The following FXR2 variants were observed in gnomAD, a reference collection of about 807,000 sequenced individuals.
The protein encoded by FXR2 is FMR1 autosomal homolog 2.
FXR2 carries 9 observed loss-of-function variants against 87.3 expected under a neutral mutation model. The observed-to-expected ratio is 0.10, with a 90% CI of 0.06 to 0.18. The LOEUF (loss-of-function observed/expected upper bound fraction) is 0.18, where lower values mean the gene tolerates loss of function less well. Among genes scored for constraint, FXR2 ranks in the 10% least tolerant of loss-of-function variants. FXR2 has a pLI of 1.00. For missense variants in FXR2, 661 were observed against 893.6 expected (o/e 0.74, Z 3.32); for synonymous variants, 331 against 328.3 (o/e 1.01, Z -0.09).
intron 3 of FXR2, among the ~76,000 whole-genome samples, chr17:7,604,799 G>C (rs2071789838): frequency 1.4e-5 from 2 of 140,090 alleles, no homozygotes; most frequent in Admixed American, 7.1e-5. Flanking sequence ...TCAGCTCACT[G>C]CAACCTCCAC....
rs770426807 is a variant in FXR2 at position 7,592,560 on chromosome 17, C to T, written c.1769G>A (p.Arg590His). The change falls in exon 15 of 17, where the codon CGC becomes CAC. Residue 590 changes from arginine to histidine, a missense_variant. Physicochemically the swap from Arg to His is conservative, Grantham distance 29 (BLOSUM62 0). Coordinates refer to ENST00000250113, the MANE Select transcript of FXR2 (RefSeq NM_004860.4). The surrounding 1 kb of genome is among the most constrained non-coding windows in gnomAD (Gnocchi z 4.8). ...AGTCCGATTACCACGGTTACGGCGG[C>T]GGCGGCTGCGATTACGACGTTGAGG... ...SRPQRRNRSR[R>H]RRNRGNRTDG... 2 of 1,613,920 alleles carry T rather than the reference C, an allele frequency of 1.2e-6. No homozygotes were observed. Among genetic ancestry groups the T allele is most frequent in the East Asian group, 2.2e-5 (1 of 44,882 alleles).
intron 1 of FXR2, chr17:7,614,157 T>A (rs1477471579): frequency 3.2e-6 from 2 of 625,400 alleles, no homozygotes; most frequent in Non-Finnish European, 5.9e-6. Context: ...AGAAGCTGGG[T>A]AAAGGGGTCT....
chr17:7,608,102 T>C (rs2071818640), intron 1 of FXR2, among the ~76,000 whole-genome samples: 1 of 151,926 alleles, frequency 6.6e-6, no homozygotes, highest in African/African-American at 2.4e-5. Context: ...CTTTTTTTTA[T>C]TTTTAATATA....
At chr17:7,602,176 C>T (rs1057165548) in intron 6 of FXR2, among the ~76,000 whole-genome samples, 3 of 151,430 alleles carry the variant, frequency 2.0e-5, no homozygotes, top group African/African-American at 7.3e-5. Flanking sequence ...GTGATCCCAG[C>T]ACTTTGGGAG....
chr17:7,594,877 A>G lies in FXR2; in HGVS notation c.832-120T>C. ...GGCAGGTGGATAAATTGAGCTCAAG[A>G]GTTCAAGACTAGCCTGGGCAATATG... On this transcript the variant is annotated intron_variant, in intron 8 of 16. Coordinates refer to ENST00000250113, the MANE Select transcript of FXR2 (RefSeq NM_004860.4). The surrounding 1 kb of genome is among the most constrained non-coding windows in gnomAD (Gnocchi z 5.1). 2 of 706,654 alleles carry G rather than the reference A, an allele frequency of 2.8e-6. No individual in the cohort carries two copies. The highest frequency in any genetic ancestry group is 2.1e-5 in the Admixed American group (1 of 47,426). The allele number at this position is 706,654 out of a possible 1,614,324, so 43.8% of individuals were successfully genotyped here.
chr17:7,607,147 G>A (rs1276449151), intron 1 of FXR2, among the ~76,000 whole-genome samples: 4 of 151,768 alleles, frequency 2.6e-5, no homozygotes, highest in South Asian at 4.2e-4. Flanking sequence ...GTGAAACCCC[G>A]TCTCTACTAA....
chr17:7,613,570 C>T (rs1201661132), intron 1 of FXR2, among the ~76,000 whole-genome samples: 1 of 152,144 alleles, frequency 6.6e-6, no homozygotes, highest in Non-Finnish European at 1.5e-5. Flanking sequence ...GTCAGATTCC[C>T]GAACTGGGAT....
At chr17:7,599,919 T>C (rs2071739491) in intron 7 of FXR2, among the ~76,000 whole-genome samples, 1 of 152,196 alleles carries the variant, frequency 6.6e-6, no homozygotes, top group South Asian at 2.1e-4. Flanking sequence ...TTCTTTGAGA[T>C]GGAGTTTCAC....
At chr17:7,607,284 C>G (rs1204794259) in intron 1 of FXR2, among the ~76,000 whole-genome samples, 1 of 150,022 alleles carries the variant, frequency 6.7e-6, no homozygotes, top group Non-Finnish European at 1.5e-5. Flanking sequence ...TGCCATTGCA[C>G]TCCAGCCTGG....
chr17:7,593,634 G>A lies in FXR2; in HGVS notation c.1108-9C>T. The A allele has an allele frequency of 6.4e-7, 1 of 1,554,434 alleles. No homozygotes were observed. The highest frequency in any genetic ancestry group is 1.9e-5 in the Admixed American group (1 of 53,608). On this transcript the variant is annotated splice_polypyrimidine_tract_variant and intron_variant, in intron 11 of 16. Coordinates refer to ENST00000250113, the MANE Select transcript of FXR2 (RefSeq NM_004860.4). The surrounding 1 kb of genome is among the most constrained non-coding windows in gnomAD (Gnocchi z 6.1). ...CGAAGCTGCTCTACCTCCTGGTTGG[G>A]TAAAAGATGGAAGAAGGGGAAGGAG... is the stretch of plus-strand genomic sequence containing the variant.
At chr17:7,606,206 T>C (rs1316733529) in intron 1 of FXR2, 57 bp from the exon 2 acceptor site, 1 of 1,143,974 alleles carries the variant, frequency 8.7e-7, no homozygotes, top group African/African-American at 1.5e-5. Context: ...ACTTCCACCT[T>C]AGCCATCAAG....
rs1407899554 is a variant in FXR2, at chr17:7,593,650, G to A, written c.1108-25C>T. On this transcript the variant is annotated intron_variant, in intron 11 of 16. Transcript: ENST00000250113. This position sits in a 1 kb window ranked among gnomAD's most constrained non-coding sequence, Gnocchi z 6.1. ...CCTGGTTGGGTAAAAGATGGAAGAA[G>A]GGGAAGGAGAAATAAGATCAGTGCC... 6.7e-7 allele frequency: 1 copy of A among 1,484,804 alleles called. No individual in the cohort carries two copies. Among genetic ancestry groups the A allele is most frequent in the South Asian group, 1.2e-5 (1 of 83,336 alleles). 92.0% of individuals were successfully genotyped at this position (1,484,804 alleles called of 1,614,324 possible).
chr17:7,611,184 A>G (rs1407878984), intron 1 of FXR2, among the ~76,000 whole-genome samples: 1 of 152,096 alleles, frequency 6.6e-6, no homozygotes, highest in Non-Finnish European at 1.5e-5. Flanking sequence ...GTCTTAAGCC[A>G]TTTTGTACGT....
chr17:7,598,803 G>A (rs2071728860), intron 7 of FXR2, among the ~76,000 whole-genome samples: 1 of 152,216 alleles, frequency 6.6e-6, no homozygotes, highest in South Asian at 2.1e-4. Context: ...GAGGCCAGGG[G>A]TTCGCGACCA....
chr17:7,594,374 C>T lies in FXR2; in HGVS notation c.911-27G>A, dbSNP rs1287778619. 2 of 1,413,096 alleles carry T rather than the reference C, an allele frequency of 1.4e-6. No individual in the cohort carries two copies. The highest frequency in any genetic ancestry group is 2.3e-5 in the South Asian group (2 of 85,710). 87.5% of individuals were successfully genotyped at this position (1,413,096 alleles called of 1,614,324 possible). ...TGGAATAGGTAAATGAGGAATTCAG[C>T]CTTTTATTTTTTTTAAGGAAATAAG... On this transcript the variant is annotated intron_variant, in intron 9 of 16. Coordinates refer to ENST00000250113, the MANE Select transcript of FXR2 (RefSeq NM_004860.4). This position sits in a 1 kb window ranked among gnomAD's most constrained non-coding sequence, Gnocchi z 5.1.
intron 1 of FXR2, 40 bp downstream of exon 1, chr17:7,614,412 G>A (rs907792958): frequency 4.9e-6 from 7 of 1,421,038 alleles, no homozygotes; most frequent in African/African-American, 4.3e-5. Context: ...CCAGGGGAGG[G>A]GGCTAAGGAC....
At chr17:7,614,390 T>G in intron 1 of FXR2, 62 bp downstream of exon 1, 5 of 1,249,224 alleles carry the variant, frequency 4.0e-6, no homozygotes, top group Non-Finnish European at 5.6e-6. Context: ...GCCCCACGCG[T>G]TCCTGCTCCG....
In FXR2 at chr17:7,591,865, A is replaced by AG; in HGVS notation, c.1986dup (p.Glu664GlyfsTer4). ...CCATTCACCATACTACCCAACTCCA[A>AG]GGGGGCGGAGAGCTCCCCATTCTCC... On this transcript the variant is annotated frameshift_variant, in exon 17 of 17. Coordinates refer to ENST00000250113, the MANE Select transcript of FXR2 (RefSeq NM_004860.4). LOFTEE classifies it high-confidence loss of function. This position sits in a 1 kb window ranked among gnomAD's most constrained non-coding sequence, Gnocchi z 4.0. 2 of 1,603,496 alleles carry AG rather than the reference A, an allele frequency of 1.2e-6. No individual in the cohort carries two copies. The highest frequency in any genetic ancestry group is 1.7e-6 in the Non-Finnish European group (2 of 1,170,342).
At chr17:7,596,027 G>GA in intron 7 of FXR2, 33 bp from the exon 8 acceptor site, 1 of 1,566,546 alleles carries the variant, frequency 6.4e-7, no homozygotes, top group African/African-American at 1.4e-5. Flanking sequence ...GAATCATGGT[G>GA]GTAGAATCTC....
Sources: gnomAD v4.1 joint callset for allele counts (sites outside exome capture counted in the v4.1 genomes callset) on GRCh38, gnomAD v4.1.1 for gene constraint, Gnocchi (gnomAD v3.1) non-coding constraint, MANE v1.5 for transcripts, NCBI Gene and HGNC (gene_info 2026-07-23, HGNC 2026-07-21) for gene names.